B4GALNT3: variants seen among roughly 807,000 people sequenced by gnomAD.
B4GALNT3 encodes the protein beta-1,4-N-acetyl-galactosaminyltransferase 3, also known as beta-1,4-N-acetylgalactosaminyltransferase 3.
In B4GALNT3, 86 loss-of-function variants were observed where a neutral mutation model predicts 120.2. That is an observed-to-expected ratio of 0.72 (90% confidence interval 0.60 to 0.86). The LOEUF is 0.86. Among genes scored for constraint, B4GALNT3 ranks in the 40% least tolerant of loss-of-function variants. The pLI is 0.00. For missense variants in B4GALNT3, 1,167 were observed against 1,298.9 expected (o/e 0.90, Z 1.56); for synonymous variants, 518 against 510.4 (o/e 1.01, Z -0.20).
chr12:496,012 C>T (rs1269966613), intron 1 of B4GALNT3, among the ~76,000 whole-genome samples: 3 of 152,076 alleles, frequency 2.0e-5, no homozygotes, highest in African/African-American at 7.2e-5. Context: ...CCTTGTATTC[C>T]AATACACTTT....
Position 548,594 on chromosome 12 carries a change from G to A in B4GALNT3, c.853+297G>A, listed in dbSNP as rs1947036574. Among the ~76,000 whole-genome samples, 1 of 152,158 alleles carries A rather than the reference G, an allele frequency of 6.6e-6. No homozygotes were observed. The highest frequency in any genetic ancestry group is 1.5e-5 in the Non-Finnish European group (1 of 68,038). On this transcript the variant is annotated intron_variant, in intron 9 of 19. Coordinates refer to ENST00000266383, the MANE Select transcript of B4GALNT3 (RefSeq NM_173593.4). The surrounding 1 kb of genome is among the most constrained non-coding windows in gnomAD (Gnocchi z 4.9). The stretch of plus-strand genomic sequence containing the variant: ...GAATACAACTTCAAGGGAGTCCAGA[G>A]ACTGTGAGCTCACACCAGATCTAAA...
rs537050504 is a variant in B4GALNT3 at position 560,522 on chromosome 12, GT to G, written c.2889-815del. Among the ~76,000 whole-genome samples the G allele has an allele frequency of 3.3e-4, 50 of 152,262 alleles. No homozygotes were observed. The South Asian group carries it at 7.5e-3, about 23-fold the overall frequency. ...AGGCTTGAAAACTAGGTCTATTGGT[GT>G]TTTTTCCCGTTGAGGGAAGAAAGAA... On this transcript the variant is annotated intron_variant, in intron 19 of 19. Coordinates refer to ENST00000266383, the MANE Select transcript of B4GALNT3 (RefSeq NM_173593.4).
chr12:497,253 A>C (rs1412515552), intron 1 of B4GALNT3, among the ~76,000 whole-genome samples: 1 of 152,164 alleles, frequency 6.6e-6, no homozygotes, highest in Non-Finnish European at 1.5e-5. Context: ...TCCCGGGTTC[A>C]AGCGATTCTC....
At chr12:511,718 GCCTTCCACCTTCCTTCCACCTTCCA>G (rs1946567480) in intron 1 of B4GALNT3, among the ~76,000 whole-genome samples, 2 of 19,370 alleles carry the variant, frequency 1.0e-4, no homozygotes, top group Non-Finnish European at 1.8e-4. Flanking sequence ...TCCACCTTCC[GCCTTCCACCTTCCTTCCACCTTCCA>G]CCTTCCACCT....
intron 3 of B4GALNT3, among the ~76,000 whole-genome samples, chr12:541,023 G>A (rs566728857): frequency 1.7e-3 from 252 of 152,350 alleles, no homozygotes; most frequent in Non-Finnish European, 2.6e-3. Flanking sequence ...GATTACAGGC[G>A]TGAGCCACCG....
At chr12:483,543 A>G (rs925178398) in intron 1 of B4GALNT3, among the ~76,000 whole-genome samples, 2 of 152,176 alleles carry the variant, frequency 1.3e-5, no homozygotes, top group African/African-American at 4.8e-5. Context: ...CCAAAAATAC[A>G]AAAAATTCAC....
Position 535,284 on chromosome 12 carries a change from A to C in B4GALNT3, c.273+15A>C. 6.2e-7 allele frequency: 1 copy of C among 1,610,266 alleles called. No homozygotes were observed. Among genetic ancestry groups the C allele is most frequent in the Non-Finnish European group, 8.5e-7 (1 of 1,176,760 alleles). ...TGAGCCTCGAGGTAGGTGACCAGCCAGTCCATTGTCCCTGCTGATGCCTTA... is the reference window on the plus strand; with the variant it reads ...TGAGCCTCGAGGTAGGTGACCAGCCCGTCCATTGTCCCTGCTGATGCCTTA... On this transcript the variant is annotated intron_variant, in intron 2 of 19. Coordinates refer to ENST00000266383, the MANE Select transcript of B4GALNT3 (RefSeq NM_173593.4).
In B4GALNT3 at chr12:489,360, A is replaced by C. The variant is rs541498847; in HGVS notation, c.169+28815A>C. On this transcript the variant is annotated intron_variant, in intron 1 of 19. Coordinates refer to ENST00000266383, the MANE Select transcript of B4GALNT3 (RefSeq NM_173593.4). The stretch of plus-strand genomic sequence containing the variant: ...AAAAAAACCCACAAAATACAGAAAA[A>C]GAAAGGAAGACAAAAATAGAAAGAG... Among the ~76,000 whole-genome samples the C allele has an allele frequency of 7.9e-5, 12 of 152,074 alleles. No homozygotes were observed. The East Asian group carries it at 2.3e-3, about 29-fold the overall frequency.
At position 552,292 on chromosome 12, in the gene B4GALNT3, T is replaced by TACACACACACACAC. The variant is rs10604398; in HGVS notation, c.1209-144_1209-131dup. 6.3e-4 allele frequency: 392 copies of TACACACACACACAC among 627,092 alleles called. 2 individuals carry two copies. Among genetic ancestry groups the TACACACACACACAC allele is most frequent in the African/African-American group, 6.0e-3 (304 of 50,524 alleles). The allele number at this position is 627,092 out of a possible 1,614,324, so 38.8% of individuals were successfully genotyped here. A position where few individuals can be genotyped will look rare whatever the true frequency, so the allele number is the denominator to read the frequency against. ...CTTTGCTCTTGCTCTTCCTGAGTAC[T>TACACACACACACAC]ACACACACACACACACACACACACA... On this transcript the variant is annotated intron_variant, in intron 12 of 19. Coordinates refer to ENST00000266383, the MANE Select transcript of B4GALNT3 (RefSeq NM_173593.4).
At chr12:542,690 G>A (rs1402753614) in intron 3 of B4GALNT3, among the ~76,000 whole-genome samples, 1 of 152,210 alleles carries the variant, frequency 6.6e-6, no homozygotes, top group Non-Finnish European at 1.5e-5. Flanking sequence ...CCTTTCTGGG[G>A]AAGGGAGCCC....
chr12:546,770 C>T, intron 7 of B4GALNT3, 57 bp downstream of exon 7: 1 of 1,489,504 alleles, frequency 6.7e-7, no homozygotes. Flanking sequence ...TGGAGCCCGG[C>T]TGCGCCCCTG....
intron 1 of B4GALNT3, among the ~76,000 whole-genome samples, chr12:480,768 G>A (rs1010368420): frequency 6.6e-6 from 1 of 152,152 alleles, no homozygotes; most frequent in Admixed American, 6.5e-5. Flanking sequence ...GGGTGCAATT[G>A]CATGGGTCAT....
intron 3 of B4GALNT3, among the ~76,000 whole-genome samples, chr12:542,081 A>G (rs1272506797): frequency 6.6e-6 from 1 of 151,332 alleles, no homozygotes; most frequent in Non-Finnish European, 1.5e-5. Context: ...CCCGCCACCC[A>G]CCTACCCAGC....
At chr12:545,252 G>A in intron 5 of B4GALNT3, 117 bp from the exon 6 acceptor site, 1 of 1,476,942 alleles carries the variant, frequency 6.8e-7, no homozygotes, top group Non-Finnish European at 9.0e-7. Flanking sequence ...TTACAGAGAG[G>A]GAAGCCACAG....
chr12:511,391 TTCTG>T (rs1487809553), intron 1 of B4GALNT3, among the ~76,000 whole-genome samples: 3 of 124,810 alleles, frequency 2.4e-5, no homozygotes, highest in Non-Finnish European at 5.3e-5. Context: ...GCCTTCCACC[TTCTG>T]TCTTCCACCT....
At chr12:496,902 G>A (rs1946394256) in intron 1 of B4GALNT3, among the ~76,000 whole-genome samples, 1 of 151,872 alleles carries the variant, frequency 6.6e-6, no homozygotes, top group South Asian at 2.1e-4. Context: ...TTTAGAGACA[G>A]GGTCTTGCTC....
chr12:482,560 T>C (rs556153042), intron 1 of B4GALNT3, among the ~76,000 whole-genome samples: 39 of 152,284 alleles, frequency 2.6e-4, no homozygotes, highest in South Asian at 1.2e-3. Flanking sequence ...GAGGATACAA[T>C]GATGAAAAAA....
At chr12:512,620 G>A (rs370363544) in intron 1 of B4GALNT3, among the ~76,000 whole-genome samples, 10,487 of 59,192 alleles carry the variant, frequency 0.18, 913 homozygotes, top group Non-Finnish European at 0.21. Flanking sequence ...TCCACCTTCC[G>A]CCTTCCACCT....
intron 1 of B4GALNT3, among the ~76,000 whole-genome samples, chr12:502,507 A>G (rs1048443941): frequency 2.0e-5 from 3 of 152,024 alleles, no homozygotes; most frequent in African/African-American, 4.8e-5. Flanking sequence ...GGGCTGAGAG[A>G]CATGTTAAGA....
Sources: gnomAD v4.1 joint callset for allele counts (sites outside exome capture counted in the v4.1 genomes callset) on GRCh38, gnomAD v4.1.1 for gene constraint, Gnocchi (gnomAD v3.1) non-coding constraint, MANE v1.5 for transcripts, NCBI Gene and HGNC (gene_info 2026-07-23, HGNC 2026-07-21) for gene names.